The following TMEM38A variants were observed in gnomAD, a reference collection of about 807,000 sequenced individuals.
The protein encoded by TMEM38A is transmembrane protein 38A.
In TMEM38A, 17 loss-of-function variants were observed where a neutral mutation model predicts 28.6. The ratio of observed to expected loss-of-function variants is 0.60; its 90% CI spans 0.41 to 0.89. The LOEUF (loss-of-function observed/expected upper bound fraction) is 0.89, where lower values mean the gene tolerates loss of function less well. Among genes scored for constraint, TMEM38A ranks in the 40% least tolerant of loss-of-function variants. The pLI is 0.00. For synonymous variants in TMEM38A, 169 were observed against 166.1 expected, an observed-to-expected ratio of 1.02 and a Z score of -0.14; for missense variants, 328 against 393.1, an observed-to-expected ratio of 0.83 and a Z score of 1.40.
chr19:16,676,143 G>A (rs2086750222), intron 1 of TMEM38A, among the ~76,000 whole-genome samples: 1 of 133,436 alleles, frequency 7.5e-6, no homozygotes, highest in South Asian at 2.1e-4. Context: ...GGCGGATCAC[G>A]AGGTCAGGAG....
intron 1 of TMEM38A, among the ~76,000 whole-genome samples, chr19:16,677,552 GCCTCC>G (rs2086757334): frequency 6.6e-6 from 1 of 151,274 alleles, no homozygotes; most frequent in South Asian, 2.1e-4. Flanking sequence ...GCCCAGGCTG[GCCTCC>G]CCTCCCCTTC....
In TMEM38A at chr19:16,661,734, C is replaced by T. The variant is rs1029447632; in HGVS notation, c.124+393C>T. Among the ~76,000 whole-genome samples the T allele has an allele frequency of 3.4e-5, 5 of 149,198 alleles. No individual in the cohort carries two copies. Among genetic ancestry groups the T allele is most frequent in the Non-Finnish European group, 7.4e-5 (5 of 67,902 alleles). On this transcript the variant is annotated intron_variant, in intron 1 of 5. Coordinates refer to ENST00000187762, the MANE Select transcript of TMEM38A (RefSeq NM_024074.4). This position sits in a 1 kb window ranked among gnomAD's most constrained non-coding sequence, Gnocchi z 6.5. ...CGCAGGTGTGACCTCCCTCCTTGAC[C>T]TTGGCACGCGGATTGAGAGCGCCAG...
chr19:16,678,840 A>G (rs2086764852), intron 1 of TMEM38A, among the ~76,000 whole-genome samples: 1 of 151,382 alleles, frequency 6.6e-6, no homozygotes, highest in Admixed American at 6.6e-5. Flanking sequence ...TCTTTTTAAG[A>G]CAGCAGGTGT....
intron 3 of TMEM38A, chr19:16,680,820 A>G: frequency 3.9e-6 from 2 of 517,394 alleles, no homozygotes; most frequent in South Asian, 4.5e-5. Flanking sequence ...AAAAGCCAGC[A>G]TTGCCAGAGC....
At chr19:16,671,613 T>C (rs946449890) in intron 1 of TMEM38A, among the ~76,000 whole-genome samples, 2 of 151,348 alleles carry the variant, frequency 1.3e-5, no homozygotes, top group African/African-American at 2.4e-5. Flanking sequence ...AAGCTAGGCA[T>C]GTGATGAGGT....
chr19:16,678,160 G>A (rs1568315403), intron 1 of TMEM38A, among the ~76,000 whole-genome samples: 1 of 152,188 alleles, frequency 6.6e-6, no homozygotes, highest in Non-Finnish European at 1.5e-5. Flanking sequence ...CCACTTGGCA[G>A]TGGCTCATGC....
intron 1 of TMEM38A, among the ~76,000 whole-genome samples, chr19:16,667,731 C>T (rs1259783608): frequency 6.6e-6 from 1 of 151,886 alleles, no homozygotes; most frequent in Admixed American, 6.6e-5. Flanking sequence ...TGGTGGTGTG[C>T]ACCTGTAATC....
rs1371602913 is a variant in TMEM38A, at chr19:16,662,000, C to T, written c.124+659C>T. Among the ~76,000 whole-genome samples the T allele has an allele frequency of 2.0e-5, 3 of 152,142 alleles. No homozygotes were observed. Among genetic ancestry groups the T allele is most frequent in the Non-Finnish European group, 4.4e-5 (3 of 68,040 alleles). On this transcript the variant is annotated intron_variant, in intron 1 of 5. Transcript: ENST00000187762. The surrounding 1 kb of genome is among the most constrained non-coding windows in gnomAD (Gnocchi z 6.5). ...GGGTCAGTGTCCTCCATCTCAGCTC[C>T]AGACTCCACGCTGGGGAGGTCACAG... is the stretch of plus-strand genomic sequence containing the variant.
At chr19:16,670,544 G>A (rs977872264) in intron 1 of TMEM38A, among the ~76,000 whole-genome samples, 7 of 152,140 alleles carry the variant, frequency 4.6e-5, no homozygotes, top group African/African-American at 9.7e-5. Flanking sequence ...GTTGCTAGGC[G>A]CTAAGCAATC....
intron 4 of TMEM38A, among the ~76,000 whole-genome samples, chr19:16,683,957 C>T (rs368401974): frequency 7.5e-6 from 1 of 133,916 alleles, no homozygotes; most frequent in Non-Finnish European, 1.5e-5. Flanking sequence ...GCAGCAAGAG[C>T]GAAATTCCAT....
rs1357014256 is a variant in TMEM38A at position 16,688,217 on chromosome 19, T to C, written c.746T>C (p.Phe249Ser). 7.6e-6 allele frequency: 12 copies of C among 1,579,648 alleles called. No individual in the cohort carries two copies. The highest frequency in any genetic ancestry group is 1.0e-5 in the Non-Finnish European group (12 of 1,161,826). Residue 249 changes from phenylalanine to serine, a missense_variant, in exon 6 of 6, where the codon TTT becomes TCT. By Grantham distance (155) the Phe-to-Ser change is radical (BLOSUM62 -2). Transcript: ENST00000187762. ...ALEGYICPVL[F>S]GSACGGDHHH... ...GAGGGCTACATCTGCCCCGTGCTGT[T>C]TGGTTCGGCCTGCGGGGGTGACCAT...
At chr19:16,665,604 G>T (rs969459928) in intron 1 of TMEM38A, among the ~76,000 whole-genome samples, 3 of 152,176 alleles carry the variant, frequency 2.0e-5, no homozygotes, top group Non-Finnish European at 2.9e-5. Flanking sequence ...CAGTTTATTT[G>T]TCTGTGAAAT....
Position 16,662,505 on chromosome 19 carries a change from G to C in TMEM38A, c.124+1164G>C, listed in dbSNP as rs573677470. Reference sequence around the variant, plus strand: ...GTTTCGCTCTGTCGCCCAGGCTGGAGTGCAGTGGCGTGATCTCGGCTCACT... The same window carrying C: ...GTTTCGCTCTGTCGCCCAGGCTGGACTGCAGTGGCGTGATCTCGGCTCACT... On this transcript the variant is annotated intron_variant, in intron 1 of 5. Coordinates refer to ENST00000187762, the MANE Select transcript of TMEM38A (RefSeq NM_024074.4). 2.1e-5 allele frequency among the ~76,000 whole-genome samples: 3 copies of C among 143,388 alleles called. No individual in the cohort carries two copies. The East Asian group carries it at 6.2e-4, about 29-fold the overall frequency. The allele number at this position is 143,388 out of a possible 152,430, so 94.1% of individuals were successfully genotyped here. A position where few individuals can be genotyped will look rare whatever the true frequency, so the allele number is the denominator to read the frequency against.
intron 1 of TMEM38A, among the ~76,000 whole-genome samples, chr19:16,662,674 G>T (rs1232254639): frequency 6.6e-6 from 1 of 151,624 alleles, no homozygotes; most frequent in African/African-American, 2.4e-5. Context: ...GGATAGTCTC[G>T]ATCTCCTGAC....
chr19:16,678,718 T>C (rs1032848725), intron 1 of TMEM38A, among the ~76,000 whole-genome samples: 1 of 144,240 alleles, frequency 6.9e-6, no homozygotes, highest in Non-Finnish European at 1.5e-5. Flanking sequence ...TGAGTCGTGA[T>C]TGCACCACTG....
Position 16,686,419 on chromosome 19 carries a change from T to C in TMEM38A, c.672+14T>C. The C allele has an allele frequency of 6.2e-7, 1 of 1,606,552 alleles. No homozygotes were observed. The highest frequency in any genetic ancestry group is 1.1e-5 in the South Asian group (1 of 90,930). ...GTGTCCTGTAAGGTAAGCCTTTCTCTTCTTGCAGCATTCTTGCCTTGACCA... is the reference window on the plus strand; with the variant it reads ...GTGTCCTGTAAGGTAAGCCTTTCTCCTCTTGCAGCATTCTTGCCTTGACCA... On this transcript the variant is annotated intron_variant, in intron 5 of 5. Transcript: ENST00000187762.
chr19:16,664,097 A>T (rs1443310663), intron 1 of TMEM38A, among the ~76,000 whole-genome samples: 2 of 151,924 alleles, frequency 1.3e-5, no homozygotes, highest in Admixed American at 1.3e-4. Flanking sequence ...AGTACAATTG[A>T]TGTGAGATTG....
intron 4 of TMEM38A, among the ~76,000 whole-genome samples, chr19:16,683,084 G>A (rs1386895073): frequency 1.3e-5 from 2 of 151,970 alleles, no homozygotes; most frequent in South Asian, 4.1e-4. Context: ...AGAGATTCTC[G>A]TGCCTCAGCC....
chr19:16,680,583 TA>T lies in TMEM38A; in HGVS notation c.466+5del, dbSNP rs556577778. ...TGATTGCAACTGGGTGGGTCAAAGG[TA>T]AATAGGATGATGACAATGAAAAATC... On this transcript the variant is annotated splice_donor_region_variant and intron_variant, in intron 3 of 5. Transcript: ENST00000187762. 144 of 1,611,434 alleles carry T rather than the reference TA, an allele frequency of 8.9e-5. 1 individual carries two copies. In the South Asian group the frequency reaches 1.4e-3, roughly 16 times the overall value.
Sources: gnomAD v4.1 joint callset for allele counts (sites outside exome capture counted in the v4.1 genomes callset) on GRCh38, gnomAD v4.1.1 for gene constraint, Gnocchi (gnomAD v3.1) non-coding constraint, MANE v1.5 for transcripts, NCBI Gene and HGNC (gene_info 2026-07-23, HGNC 2026-07-21) for gene names.